Variants in AHCY observed in about 807,000 individuals in gnomAD.
AHCY encodes adenosylhomocysteinase, also known as S-adenosyl-L-homocysteine hydrolase.
In AHCY, 24 loss-of-function variants were observed where a neutral mutation model predicts 45.4. The ratio of observed to expected loss-of-function variants is 0.53; its 90% CI spans 0.38 to 0.74. The LOEUF (loss-of-function observed/expected upper bound fraction) is 0.74. Among genes scored for constraint, AHCY ranks in the 30% least tolerant of loss-of-function variants. The pLI is 0.00. For synonymous variants in AHCY, 245 were observed against 235.1 expected (o/e 1.04, Z -0.39); for missense variants, 449 against 594.1 (o/e 0.76, Z 2.54).
At chr20:34,291,060 G>C in intron 5 of AHCY, 122 bp from the exon 6 acceptor site, 2 of 930,950 alleles carry the variant, frequency 2.1e-6, no homozygotes, top group Non-Finnish European at 3.3e-6. Context: ...CCCGGCCTGG[G>C]CTGAACCCCT....
the AHCY span, among the ~76,000 whole-genome samples, chr20:34,234,485 C>G: frequency 6.6e-6 from 1 of 151,954 alleles, no homozygotes; most frequent in Non-Finnish European, 1.5e-5. Context: ...TTTTCCTTTT[C>G]TCTTTTCTTT....
At chr20:34,279,197 G>A (rs1403339060), downstream of AHCY, among the ~76,000 whole-genome samples, 4 of 150,896 alleles carry the variant, frequency 2.7e-5, no homozygotes, top group Non-Finnish European at 5.9e-5. Flanking sequence ...GGTGGATCAC[G>A]AGGTCAGGAG....
the AHCY span, among the ~76,000 whole-genome samples, chr20:34,246,962 A>T: frequency 4.0e-5 from 6 of 148,376 alleles, no homozygotes; most frequent in Admixed American, 4.0e-4. Flanking sequence ...TTTTTGTTTT[A>T]GTTGTCATTG....
At chr20:34,298,907 G>A (rs73610838) in intron 1 of AHCY, among the ~76,000 whole-genome samples, 4 of 152,002 alleles carry the variant, frequency 2.6e-5, no homozygotes, top group Admixed American at 6.6e-5. Flanking sequence ...TCCCTGCCTC[G>A]GCTGCCAGGC....
At chr20:34,253,981 C>A in the AHCY span, among the ~76,000 whole-genome samples, 1 of 152,166 alleles carries the variant, frequency 6.6e-6, no homozygotes. Flanking sequence ...TTCATCATTG[C>A]AGAGTGGAAA....
the AHCY span, among the ~76,000 whole-genome samples, chr20:34,270,211 C>A: frequency 6.6e-6 from 1 of 151,382 alleles, no homozygotes; most frequent in Non-Finnish European, 1.5e-5. Context: ...ATGATCACAC[C>A]ACTGCACTCC....
downstream of AHCY, among the ~76,000 whole-genome samples, chr20:34,276,358 C>T (rs911587778): frequency 2.0e-5 from 3 of 152,066 alleles, no homozygotes; most frequent in Admixed American, 6.6e-5. Context: ...TAAATACAAG[C>T]CAGCAGTTAG....
upstream of AHCY, among the ~76,000 whole-genome samples, chr20:34,305,241 G>A (rs988429093): frequency 2.6e-5 from 4 of 151,692 alleles, no homozygotes; most frequent in Admixed American, 6.6e-5. Context: ...GGAGAATGGC[G>A]TGAACCCGGG....
chr20:34,273,483 G>A, the AHCY span, among the ~76,000 whole-genome samples: 7 of 152,250 alleles, frequency 4.6e-5, no homozygotes, highest in East Asian at 5.8e-4. Flanking sequence ...CACCCACCTC[G>A]ACTTCCCAGA....
chr20:34,257,108 C>T, the AHCY span, among the ~76,000 whole-genome samples: 1 of 140,668 alleles, frequency 7.1e-6, no homozygotes, highest in Non-Finnish European at 1.5e-5. Flanking sequence ...TTTTTTGAGA[C>T]AGTTTCCCTC....
At chr20:34,249,374 G>A in the AHCY span, among the ~76,000 whole-genome samples, 1 of 151,124 alleles carries the variant, frequency 6.6e-6, no homozygotes, top group Non-Finnish European at 1.5e-5. Flanking sequence ...TTAGACAGCT[G>A]AAGGTGATGT....
In AHCY at chr20:34,281,067, A is replaced by G; in HGVS notation, c.1266T>C (p.Asp422=). The G allele has an allele frequency of 2.5e-6, 4 of 1,614,196 alleles. No individual in the cohort carries two copies. The highest frequency in any genetic ancestry group is 3.4e-6 in the Non-Finnish European group (4 of 1,180,052). ...KQAQYLGMSC[D]GPFKPDHYRY is the part of the protein sequence containing the mutation. ...GGTAGTGATCCGGCTTGAAGGGGCC[A>G]TCACAGGACATGCCCAGGTACTGGG... The change falls in exon 10 of 10, where the codon GAT becomes GAC. Residue 422 remains aspartate, a synonymous_variant. Coordinates refer to ENST00000217426, the MANE Select transcript of AHCY (RefSeq NM_000687.4).
At chr20:34,240,601 C>G in the AHCY span, among the ~76,000 whole-genome samples, 2 of 152,310 alleles carry the variant, frequency 1.3e-5, no homozygotes, top group South Asian at 4.1e-4. Flanking sequence ...TGGGCTGGGC[C>G]TCAGCAATCT....
the AHCY span, among the ~76,000 whole-genome samples, chr20:34,234,451 G>T: frequency 6.6e-6 from 1 of 152,108 alleles, no homozygotes; most frequent in African/African-American, 2.4e-5. Context: ...CATCCAGTGG[G>T]CGCTATCAGC....
chr20:34,263,853 T>G, the AHCY span, among the ~76,000 whole-genome samples: 574 of 151,956 alleles, frequency 3.8e-3, 2 homozygotes, highest in Non-Finnish European at 6.7e-3. Flanking sequence ...GTATTTTTAG[T>G]AGAGATGGGG....
intron 8 of AHCY, among the ~76,000 whole-genome samples, chr20:34,288,956 G>C (rs887987106): frequency 9.9e-5 from 15 of 152,080 alleles, no homozygotes; most frequent in Non-Finnish European, 1.5e-4. Context: ...TCAGTGCATG[G>C]GCCTGCTCCT....
the AHCY span, among the ~76,000 whole-genome samples, chr20:34,265,691 T>C: frequency 1.3e-5 from 2 of 152,178 alleles, no homozygotes; most frequent in South Asian, 4.1e-4. Flanking sequence ...GGCTCACACC[T>C]GTAATCCCAG....
upstream of AHCY, among the ~76,000 whole-genome samples, chr20:34,305,242 T>C (rs1381668559): frequency 6.6e-6 from 1 of 151,354 alleles, no homozygotes; most frequent in East Asian, 2.0e-4. Flanking sequence ...GAGAATGGCG[T>C]GAACCCGGGA....
At chr20:34,278,318 G>C (rs997128541), downstream of AHCY, among the ~76,000 whole-genome samples, 3 of 152,276 alleles carry the variant, frequency 2.0e-5, no homozygotes, top group Non-Finnish European at 4.4e-5. Context: ...GAAGGGAGGT[G>C]GGGGGCTACA....
Sources: allele counts gnomAD v4.1 joint callset (sites outside exome capture counted in the v4.1 genomes callset), GRCh38; gene constraint gnomAD v4.1.1; transcripts MANE v1.5; gene names NCBI Gene and HGNC (gene_info 2026-07-23, HGNC 2026-07-21).